Variants in PHLPP1 observed in about 807,000 individuals in gnomAD.
PHLPP1 encodes PH domain and leucine rich repeat protein phosphatase 1.
A neutral mutation model predicts 117.2 loss-of-function variants in PHLPP1; 42 were observed. The observed-to-expected ratio is 0.36, with a 90% CI of 0.28 to 0.46. PHLPP1 has a LOEUF of 0.46. Ranked by LOEUF, PHLPP1 falls within the 20% of genes least tolerant of loss-of-function variation. The pLI, the probability that PHLPP1 is intolerant of heterozygous loss-of-function variation, is 1.00. For synonymous variants in PHLPP1, 1,042 were observed against 970.7 expected (o/e 1.07, Z -1.37); for missense variants, 2,084 against 2,241.9 (o/e 0.93, Z 1.42).
chr18:62,769,242 C>T (rs921848772), intron 1 of PHLPP1, among the ~76,000 whole-genome samples: 3 of 152,138 alleles, frequency 2.0e-5, no homozygotes, highest in African/African-American at 4.8e-5. Flanking sequence ...AGATGTAAAT[C>T]TTGACTAAGC....
chr18:62,789,187 G>A lies in PHLPP1; in HGVS notation c.1577-40848G>A, dbSNP rs190626342. Among the ~76,000 whole-genome samples the A allele has an allele frequency of 1.2e-3, 178 of 152,084 alleles. 1 individual carries two copies. Among genetic ancestry groups the A allele is most frequent in the Admixed American group, 4.2e-3 (64 of 15,270 alleles). On this transcript the variant is annotated intron_variant, in intron 1 of 16. Coordinates refer to ENST00000262719, the MANE Select transcript of PHLPP1 (RefSeq NM_194449.4). ...ATATTTCAGGAGTCTGAACTATGCC[G>A]GGTGATTTCTTTCCTTAAGCATTAG...
Position 62,978,840 on chromosome 18 carries a change from C to G in PHLPP1, c.4563C>G (p.Ile1521Met). The part of the protein sequence containing the change: ...PSEQRCMLHP[I>M]CLSNSFQRQL... The stretch of plus-strand genomic sequence containing the variant: ...AGCAGCGCTGCATGCTCCACCCCAT[C>G]TGTCTGTCCAACTCCTTCCAGCGCC... Residue 1521 changes from isoleucine to methionine, a missense_variant, in exon 17 of 17, where the codon ATC (isoleucine) becomes ATG (methionine). By Grantham distance (10) the Ile-to-Met change is conservative. This residue lies in a region of PHLPP1 where 1,365 missense variants were observed against 1,605.9 expected (regional missense o/e 0.85). Transcript: ENST00000262719. The surrounding 1 kb of genome is among the most constrained non-coding windows in gnomAD (Gnocchi z 7.0). 1 of 1,609,092 alleles carries G rather than the reference C, an allele frequency of 6.2e-7. No homozygotes were observed. The highest frequency in any genetic ancestry group is 8.5e-7 in the Non-Finnish European group (1 of 1,177,808).
chr18:62,725,228 C>T (rs183606894), intron 1 of PHLPP1, among the ~76,000 whole-genome samples: 3 of 151,848 alleles, frequency 2.0e-5, no homozygotes, highest in Admixed American at 6.6e-5. Context: ...GGCCTAGTGG[C>T]GCACGCCTGT....
At chr18:62,798,331 A>G (rs949375306) in intron 1 of PHLPP1, among the ~76,000 whole-genome samples, 1 of 152,206 alleles carries the variant, frequency 6.6e-6, no homozygotes, top group African/African-American at 2.4e-5. Flanking sequence ...CCAGGTGTGC[A>G]TGATTCCACT....
chr18:62,785,770 T>A (rs555512538), intron 1 of PHLPP1, among the ~76,000 whole-genome samples: 277 of 152,280 alleles, frequency 1.8e-3, no homozygotes, highest in African/African-American at 6.5e-3. Flanking sequence ...GCTGTCGGTT[T>A]AATTTTGGAG....
intron 4 of PHLPP1, among the ~76,000 whole-genome samples, chr18:62,878,778 T>TTG (rs138248935): frequency 0.029 from 4,317 of 150,224 alleles, 179 homozygotes; most frequent in African/African-American, 0.089. Flanking sequence ...ACTCCTCATA[T>TTG]TGTGTGTGTG....
chr18:62,928,115 A>G (rs1034338380), intron 10 of PHLPP1, among the ~76,000 whole-genome samples: 2 of 152,182 alleles, frequency 1.3e-5, no homozygotes, highest in African/African-American at 4.8e-5. Flanking sequence ...TATCAAGCCA[A>G]GTCTCCTTTA....
intron 1 of PHLPP1, among the ~76,000 whole-genome samples, chr18:62,776,028 C>G (rs971778164): frequency 6.6e-6 from 1 of 151,888 alleles, no homozygotes; most frequent in African/African-American, 2.4e-5. Context: ...CTATCTATGT[C>G]TATACATAGG....
At position 62,912,356 on chromosome 18, in the gene PHLPP1, AAT is replaced by A. The variant is rs1491420714; in HGVS notation, c.2709-2556_2709-2555del. ...AAAAAACCTGATCCATCAAAAAAAAAATTTTTTTTTATTATAAATATATAATT... is the reference window on the plus strand; with the variant it reads ...AAAAAACCTGATCCATCAAAAAAAAATTTTTTTTATTATAAATATATAATT... On this transcript the variant is annotated intron_variant, in intron 8 of 16. Transcript: ENST00000262719. Among the ~76,000 whole-genome samples, 243 of 130,366 alleles carry A rather than the reference AAT, an allele frequency of 1.9e-3. 1 individual carries two copies. In the East Asian group the frequency reaches 0.019, roughly 10 times the overall value. 85.5% of individuals were successfully genotyped at this position (130,366 alleles called of 152,430 possible).
intron 1 of PHLPP1, among the ~76,000 whole-genome samples, chr18:62,785,760 G>A (rs899574501): frequency 1.3e-5 from 2 of 152,144 alleles, no homozygotes; most frequent in African/African-American, 4.8e-5. Context: ...AAAGGAATAT[G>A]CTGTCGGTTT....
At chr18:62,941,442 G>A (rs1006570714) in intron 10 of PHLPP1, among the ~76,000 whole-genome samples, 4 of 151,964 alleles carry the variant, frequency 2.6e-5, no homozygotes, top group East Asian at 1.9e-4. Flanking sequence ...TCCACTCCCC[G>A]CCAACTATAA....
chr18:62,864,871 A>G (rs764729492), intron 4 of PHLPP1, among the ~76,000 whole-genome samples: 10 of 152,230 alleles, frequency 6.6e-5, no homozygotes, highest in Non-Finnish European at 1.0e-4. Flanking sequence ...AAAAAACCTC[A>G]AAAACAACTG....
At chr18:62,925,560 A>G (rs934536919) in intron 10 of PHLPP1, among the ~76,000 whole-genome samples, 1 of 151,770 alleles carries the variant, frequency 6.6e-6, no homozygotes, top group Non-Finnish European at 1.5e-5. Context: ...GGGAACAGAA[A>G]ATTTAGAAGA....
intron 15 of PHLPP1, 26 bp from the exon 16 acceptor site, chr18:62,975,371 T>G (rs535503999): frequency 5.4e-5 from 83 of 1,525,378 alleles, no homozygotes; most frequent in Non-Finnish European, 7.2e-5. Flanking sequence ...TGTGTTTGAG[T>G]GTCACCCCCT....
At chr18:62,814,074 A>G (rs1250843776) in intron 1 of PHLPP1, among the ~76,000 whole-genome samples, 1 of 152,152 alleles carries the variant, frequency 6.6e-6, no homozygotes, top group Non-Finnish European at 1.5e-5. Flanking sequence ...TGTAATCTGT[A>G]GGCATATTCA....
chr18:62,969,664 T>C (rs543289449), intron 14 of PHLPP1, among the ~76,000 whole-genome samples: 9 of 152,370 alleles, frequency 5.9e-5, no homozygotes, highest in African/African-American at 1.7e-4. Flanking sequence ...CTGTTAAGTA[T>C]GTAAACATTT....
intron 1 of PHLPP1, among the ~76,000 whole-genome samples, chr18:62,771,864 ACTT>A (rs1279922806): frequency 6.6e-6 from 1 of 152,198 alleles, no homozygotes; most frequent in African/African-American, 2.4e-5. Flanking sequence ...ATCAATAAGC[ACTT>A]CTTCTGCAGT....
rs867055774 is a variant in PHLPP1 at position 62,716,679 on chromosome 18, C to A, written c.996C>A (p.Gly332=). The part of the protein sequence containing the change: ...DSSPGEPFVG[G]PVSSPRAPRP... ...GCCCCGGCGAGCCGTTCGTTGGGGG[C>A]CCTGTCTCTTCGCCCCGCGCCCCAC... Residue 332 remains glycine (G), a synonymous_variant, in exon 1 of 17, where the codon GGC becomes GGA. Coordinates refer to ENST00000262719, the MANE Select transcript of PHLPP1 (RefSeq NM_194449.4). The surrounding 1 kb of genome is among the most constrained non-coding windows in gnomAD (Gnocchi z 5.7). 8 of 1,464,938 alleles carry A rather than the reference C, an allele frequency of 5.5e-6. No homozygotes were observed. The Middle Eastern group carries it at 1.1e-3, about 193-fold the overall frequency. 90.7% of individuals were successfully genotyped at this position (1,464,938 alleles called of 1,614,324 possible).
At chr18:62,874,921 C>T (rs1282867402) in intron 4 of PHLPP1, among the ~76,000 whole-genome samples, 1 of 152,098 alleles carries the variant, frequency 6.6e-6, no homozygotes, top group African/African-American at 2.4e-5. Flanking sequence ...TGTTCGAGGA[C>T]CTGCTATGTA....
Sources: allele counts gnomAD v4.1 joint callset (sites outside exome capture counted in the v4.1 genomes callset), GRCh38; gene constraint gnomAD v4.1.1; regional missense constraint gnomAD v4.1.1; non-coding constraint Gnocchi (gnomAD v3.1); transcripts MANE v1.5; gene names NCBI Gene and HGNC (gene_info 2026-07-23, HGNC 2026-07-21).